AP3M1: variants seen among roughly 807,000 people sequenced by gnomAD.
AP3M1 encodes adaptor related protein complex 3 subunit mu 1, also known as AP-3 complex subunit mu-1.
In AP3M1, 29 loss-of-function variants were observed where a neutral mutation model predicts 42.6. The observed-to-expected ratio is 0.68, with a 90% CI of 0.51 to 0.93. The LOEUF is 0.93. AP3M1 is among the 40% of genes least tolerant of loss of function. AP3M1 has a pLI of 0.00. For missense variants in AP3M1, 416 were observed against 510.2 expected, an observed-to-expected ratio of 0.82 and a Z score of 1.78; for synonymous variants, 178 against 175.3, an observed-to-expected ratio of 1.02 and a Z score of -0.12.
rs546906812 is a variant in AP3M1 at position 74,149,153 on chromosome 10, G to A, written c.-4+1602C>T. Among the ~76,000 whole-genome samples, 285 of 151,478 alleles carry A rather than the reference G, an allele frequency of 1.9e-3. 3 individuals are homozygous for A. Among genetic ancestry groups the A allele is most frequent in the African/African-American group, 6.8e-3 (281 of 41,292 alleles). ...CTCAAAGTGCTGGGATTACAGGCATGAGCCCTACCGTGCCTGGCCGTATAT... is the reference window on the plus strand; with the variant it reads ...CTCAAAGTGCTGGGATTACAGGCATAAGCCCTACCGTGCCTGGCCGTATAT... On this transcript the variant is annotated intron_variant, in intron 1 of 8. Coordinates refer to ENST00000355264, the MANE Select transcript of AP3M1 (RefSeq NM_012095.6).
At chr10:74,140,051 G>A (rs896890657) in intron 1 of AP3M1, among the ~76,000 whole-genome samples, 1 of 152,162 alleles carries the variant, frequency 6.6e-6, no homozygotes, top group Non-Finnish European at 1.5e-5. Context: ...GGTGGGGTGC[G>A]CCATTCCTCC....
intron 1 of AP3M1, among the ~76,000 whole-genome samples, chr10:74,146,757 A>G (rs1220260798): frequency 1.3e-5 from 2 of 152,192 alleles, no homozygotes; most frequent in Non-Finnish European, 2.9e-5. Flanking sequence ...AGGAGAATTG[A>G]AACAAAAGAA....
chr10:74,120,673 A>G lies in AP3M1; in HGVS notation c.*3137T>C, dbSNP rs1398543990. On this transcript the variant is annotated 3_prime_UTR_variant, in exon 9 of 9. Transcript: ENST00000355264. The stretch of plus-strand genomic sequence containing the variant: ...GCTGGGATTACAGGTGTGCGCCACC[A>G]TGCCTGGCTAATTTTTGTATTTTTA... 1 of 152,266 alleles carries G rather than the reference A, an allele frequency of 6.6e-6. No individual in the cohort carries two copies. Among genetic ancestry groups the G allele is most frequent in the Non-Finnish European group, 1.5e-5 (1 of 68,116 alleles). 9.4% of individuals were successfully genotyped at this position (152,266 alleles called of 1,614,324 possible). A position where few individuals can be genotyped will look rare whatever the true frequency, so the allele number is the denominator to read the frequency against.
chr10:74,146,705 T>C (rs1272742705), intron 1 of AP3M1, among the ~76,000 whole-genome samples: 1 of 152,104 alleles, frequency 6.6e-6, no homozygotes, highest in East Asian at 1.9e-4. Context: ...GGAATCAGAA[T>C]TGTAAGTAAT....
At chr10:74,148,807 T>G (rs1841415548) in intron 1 of AP3M1, among the ~76,000 whole-genome samples, 1 of 151,826 alleles carries the variant, frequency 6.6e-6, no homozygotes, top group South Asian at 2.1e-4. Flanking sequence ...TTTTCCCGCC[T>G]CACCCACCCA....
rs113305142 is a variant in AP3M1 at position 74,128,244 on chromosome 10, A to ATT, written c.803+862_803+863dup. Among the ~76,000 whole-genome samples, 832 of 145,484 alleles carry ATT rather than the reference A, an allele frequency of 5.7e-3. 9 individuals carry two copies. The highest frequency in any genetic ancestry group is 0.019 in the African/African-American group (749 of 39,806). ...CTATAACTCCGATCCCCAATGCTAAATTTTTTTTTTTTTTGAGATGGAGTT... is the reference window on the plus strand; with the variant it reads ...CTATAACTCCGATCCCCAATGCTAAATTTTTTTTTTTTTTTTGAGATGGAGTT... On this transcript the variant is annotated intron_variant, in intron 6 of 8. Transcript: ENST00000355264.
At chr10:74,150,476 GC>G (rs1841525865) in intron 1 of AP3M1, 1 of 152,366 alleles carries the variant, frequency 6.6e-6, no homozygotes, top group African/African-American at 2.4e-5. Flanking sequence ...TGAGATTCCT[GC>G]CGTCTGTACT....
chr10:74,141,443 A>G (rs1841147782), intron 1 of AP3M1, among the ~76,000 whole-genome samples: 1 of 152,184 alleles, frequency 6.6e-6, no homozygotes, highest in Admixed American at 6.6e-5. Flanking sequence ...TAAAAAATAA[A>G]TAAATAAACA....
intron 4 of AP3M1, among the ~76,000 whole-genome samples, chr10:74,131,549 T>C (rs562259905): frequency 6.6e-6 from 1 of 151,716 alleles, no homozygotes; most frequent in Non-Finnish European, 1.5e-5. Context: ...AATAGAAAGA[T>C]ATCTCTTTTT....
At position 74,123,837 on chromosome 10, in the gene AP3M1, T is replaced by C; in HGVS notation, c.1230A>G (p.Lys410=). Residue 410 remains lysine, a synonymous_variant, in exon 9 of 9, where the codon AAA becomes AAG. Coordinates refer to ENST00000355264, the MANE Select transcript of AP3M1 (RefSeq NM_012095.6). ...KPFKGVKYVT[K]AGKFQVRT Reference sequence around the variant, plus strand: ...ATGTCCTCACTTGGAACTTTCCAGCTTTCGTGACGTATTTGACTCCTTTAA... The same window carrying C: ...ATGTCCTCACTTGGAACTTTCCAGCCTTCGTGACGTATTTGACTCCTTTAA... 1 of 1,614,208 alleles carries C rather than the reference T, an allele frequency of 6.2e-7. No homozygotes were observed. The highest frequency in any genetic ancestry group is 8.5e-7 in the Non-Finnish European group (1 of 1,180,022).
chr10:74,136,444 T>G (rs1474686275), intron 3 of AP3M1, among the ~76,000 whole-genome samples, 188 bp downstream of exon 3: 3 of 152,184 alleles, frequency 2.0e-5, no homozygotes, highest in African/African-American at 7.2e-5. Flanking sequence ...AACCAAAAGT[T>G]CTTTATCACT....
At position 74,122,827 on chromosome 10, in the gene AP3M1, G is replaced by A. The variant is rs1840506721; in HGVS notation, c.*983C>T. 6.6e-6 allele frequency: 1 copy of A among 152,174 alleles called. No homozygotes were observed. The highest frequency in any genetic ancestry group is 1.5e-5 in the Non-Finnish European group (1 of 68,028). 9.4% of individuals were successfully genotyped at this position (152,174 alleles called of 1,614,324 possible). A position where few individuals can be genotyped will look rare whatever the true frequency, so the allele number is the denominator to read the frequency against. On this transcript the variant is annotated 3_prime_UTR_variant, in exon 9 of 9. Transcript: ENST00000355264. ...ACAAAAAAGATTTAAAAAGACTGAT[G>A]ACTGTGAGGCAGGCACATTTTCCTC...
At chr10:74,130,837 G>A (rs902891383) in intron 4 of AP3M1, among the ~76,000 whole-genome samples, 2 of 152,092 alleles carry the variant, frequency 1.3e-5, no homozygotes, top group African/African-American at 2.4e-5. Flanking sequence ...TTGGCAGGAC[G>A]CAGTGGCTCA....
intron 7 of AP3M1, among the ~76,000 whole-genome samples, chr10:74,125,711 C>T (rs1489685586): frequency 6.6e-6 from 1 of 152,120 alleles, no homozygotes; most frequent in Middle Eastern, 3.4e-3. Context: ...ACTTTCCTAG[C>T]CCTGTGAAAG....
intron 8 of AP3M1, 146 bp downstream of exon 8, chr10:74,124,234 T>C: frequency 2.0e-6 from 2 of 990,708 alleles, no homozygotes; most frequent in East Asian, 2.6e-5. Flanking sequence ...TCGGTGCCTG[T>C]GAGACTGCCC....
Position 74,120,819 on chromosome 10 carries a change from C to G in AP3M1, c.*2991G>C, listed in dbSNP as rs907080731. 3 of 152,142 alleles carry G rather than the reference C, an allele frequency of 2.0e-5. No homozygotes were observed. The highest frequency in any genetic ancestry group is 7.2e-5 in the African/African-American group (3 of 41,396). The allele number at this position is 152,142 out of a possible 1,614,324, so 9.4% of individuals were successfully genotyped here. On this transcript the variant is annotated 3_prime_UTR_variant, in exon 9 of 9. Transcript: ENST00000355264. ...AGGTGTGATCCACCACGCCCGGCCA[C>G]ACAGGTCCATTTTTCATATTCCAAA...
rs1392506765 is a variant in AP3M1 at position 74,129,887 on chromosome 10, A to G, written c.669+20T>C. Reference sequence around the variant, plus strand: ...GTATTAGGCATTCAAGGGGCTATAAAACAGGAGAATAAAACTTACCATGAA... The same window carrying G: ...GTATTAGGCATTCAAGGGGCTATAAGACAGGAGAATAAAACTTACCATGAA... On this transcript the variant is annotated intron_variant, in intron 5 of 8. Transcript: ENST00000355264. 3 of 1,565,644 alleles carry G rather than the reference A, an allele frequency of 1.9e-6. No individual in the cohort carries two copies. The East Asian group carries it at 6.7e-5, about 35-fold the overall frequency.
intron 4 of AP3M1, among the ~76,000 whole-genome samples, chr10:74,132,890 T>C (rs551920184): frequency 2.2e-4 from 34 of 152,316 alleles, no homozygotes; most frequent in Non-Finnish European, 4.4e-5. Context: ...CATTATGAGT[T>C]CTGATTTACA....
rs1298378517 is a variant in AP3M1, at chr10:74,122,627, C to T, written c.*1183G>A. The stretch of plus-strand genomic sequence containing the variant: ...GGATTTTGTTTCTGCCTCATTATAA[C>T]TCACTTCCATGTATTTTGTCAGTAT... On this transcript the variant is annotated 3_prime_UTR_variant, in exon 9 of 9. Transcript: ENST00000355264. The T allele has an allele frequency of 6.6e-6, 1 of 152,192 alleles. No individual in the cohort carries two copies. The highest frequency in any genetic ancestry group is 1.9e-4 in the East Asian group (1 of 5,204). The allele number at this position is 152,192 out of a possible 1,614,324, so 9.4% of individuals were successfully genotyped here. A position where few individuals can be genotyped will look rare whatever the true frequency, so the allele number is the denominator to read the frequency against.
Sources: allele counts gnomAD v4.1 joint callset (sites outside exome capture counted in the v4.1 genomes callset), GRCh38; gene constraint gnomAD v4.1.1; transcripts MANE v1.5; gene names NCBI Gene and HGNC (gene_info 2026-07-23, HGNC 2026-07-21).